Variants in PDZRN4 observed in about 807,000 individuals in gnomAD.
PDZRN4 encodes PDZ domain containing ring finger 4, also known as PDZ domain-containing RING finger protein 4.
PDZRN4 carries 70 observed loss-of-function variants against 99.0 expected under a neutral mutation model. That is an observed-to-expected ratio of 0.71 (90% CI 0.58 to 0.86). The LOEUF (loss-of-function observed/expected upper bound fraction) is 0.86, where lower values mean the gene tolerates loss of function less well. PDZRN4 is among the 40% of genes least tolerant of loss of function. The probability of loss-of-function intolerance (pLI) is 0.00; values close to 1 mark genes in which losing one functional copy is unlikely to be tolerated. For synonymous variants in PDZRN4, 551 were observed against 501.6 expected (o/e 1.10, Z -1.32); for missense variants, 1,474 against 1,331.2 (o/e 1.11, Z -1.67).
chr12:41,207,633 G>A (rs948322978), intron 3 of PDZRN4, among the ~76,000 whole-genome samples: 1 of 151,694 alleles, frequency 6.6e-6, no homozygotes, highest in African/African-American at 2.4e-5. Flanking sequence ...AGAATGGTAA[G>A]GATGATGATG....
At chr12:41,475,561 A>G (rs1953034476) in intron 3 of PDZRN4, among the ~76,000 whole-genome samples, 1 of 152,224 alleles carries the variant, frequency 6.6e-6, no homozygotes, top group Non-Finnish European at 1.5e-5. Context: ...GAAAATTCTC[A>G]TAAGAACATT....
intron 3 of PDZRN4, among the ~76,000 whole-genome samples, chr12:41,322,063 T>C (rs1390717546): frequency 1.3e-5 from 2 of 152,126 alleles, no homozygotes; most frequent in Non-Finnish European, 1.5e-5. Context: ...GAGACAGTCT[T>C]GCTCTTCACC....
chr12:41,366,593 C>T (rs536951111), intron 3 of PDZRN4, among the ~76,000 whole-genome samples: 2 of 151,980 alleles, frequency 1.3e-5, no homozygotes, highest in Non-Finnish European at 2.9e-5. Context: ...ATGGAATATA[C>T]CATAATGTTT....
At chr12:41,532,222 A>G (rs1293395107) in intron 5 of PDZRN4, among the ~76,000 whole-genome samples, 2 of 152,142 alleles carry the variant, frequency 1.3e-5, no homozygotes, top group Non-Finnish European at 2.9e-5. Flanking sequence ...TCATAAATCA[A>G]GTTTCTGTAT....
chr12:41,264,919 T>G, intron 3 of PDZRN4, among the ~76,000 whole-genome samples: 1 of 151,958 alleles, frequency 6.6e-6, no homozygotes. Flanking sequence ...ATGGAAACAC[T>G]AGACACTGGG....
intron 3 of PDZRN4, among the ~76,000 whole-genome samples, chr12:41,217,035 C>T (rs1950925737): frequency 6.6e-6 from 1 of 152,034 alleles, no homozygotes; most frequent in African/African-American, 2.4e-5. Context: ...AGCTTCTTCC[C>T]TTTGTTGTGA....
At chr12:41,297,825 A>T (rs1951506000) in intron 3 of PDZRN4, among the ~76,000 whole-genome samples, 1 of 152,128 alleles carries the variant, frequency 6.6e-6, no homozygotes, top group Non-Finnish European at 1.5e-5. Context: ...AAATTAACCA[A>T]ACTGACTATT....
At chr12:41,454,276 G>A (rs1952800284) in intron 3 of PDZRN4, among the ~76,000 whole-genome samples, 2 of 152,172 alleles carry the variant, frequency 1.3e-5, no homozygotes, top group Non-Finnish European at 2.9e-5. Context: ...TATTGAATGT[G>A]TTAGGGGAAA....
chr12:41,393,864 A>G (rs1001437487), intron 3 of PDZRN4, among the ~76,000 whole-genome samples: 2 of 152,232 alleles, frequency 1.3e-5, no homozygotes, highest in African/African-American at 4.8e-5. Flanking sequence ...CTCAACTGGA[A>G]CTGATAACCA....
At chr12:41,536,348 C>G (rs1382376019) in intron 5 of PDZRN4, among the ~76,000 whole-genome samples, 1 of 152,094 alleles carries the variant, frequency 6.6e-6, no homozygotes, top group Non-Finnish European at 1.5e-5. Context: ...AGACTACATA[C>G]TGTATGATTC....
intron 3 of PDZRN4, among the ~76,000 whole-genome samples, chr12:41,397,002 T>TA (rs11311422): frequency 1.3e-4 from 19 of 151,230 alleles, no homozygotes; most frequent in Middle Eastern, 3.4e-3. Flanking sequence ...TAGTGTAATG[T>TA]AAAAAAAAAA....
At chr12:41,225,192 T>A (rs1039825212) in intron 3 of PDZRN4, among the ~76,000 whole-genome samples, 2 of 152,146 alleles carry the variant, frequency 1.3e-5, no homozygotes, top group Non-Finnish European at 2.9e-5. Flanking sequence ...GTTATCCTGT[T>A]GATGATTTTT....
chr12:41,549,821 AGCAAAATG>A, intron 5 of PDZRN4, among the ~76,000 whole-genome samples: 1 of 152,174 alleles, frequency 6.6e-6, no homozygotes, highest in Non-Finnish European at 1.5e-5. Flanking sequence ...TTAGGGGACA[AGCAAAATG>A]GCAAATCTAT....
intron 3 of PDZRN4, among the ~76,000 whole-genome samples, chr12:41,341,425 C>T (rs935236656): frequency 6.6e-6 from 1 of 151,822 alleles, no homozygotes; most frequent in African/African-American, 2.4e-5. Context: ...TCCCTATTTG[C>T]AGGAGATGTG....
intron 3 of PDZRN4, among the ~76,000 whole-genome samples, chr12:41,401,158 C>A (rs1952286193): frequency 6.6e-6 from 1 of 152,030 alleles, no homozygotes; most frequent in Non-Finnish European, 1.5e-5. Context: ...ATAATTTATT[C>A]CCTTAATCTG....
chr12:41,450,932 C>A (rs1014173222), intron 3 of PDZRN4, among the ~76,000 whole-genome samples: 1 of 151,780 alleles, frequency 6.6e-6, no homozygotes, highest in African/African-American at 2.4e-5. Flanking sequence ...TGTCTCAATA[C>A]AAACAAACAA....
intron 3 of PDZRN4, among the ~76,000 whole-genome samples, chr12:41,448,286 T>A (rs1475469406): frequency 6.6e-6 from 1 of 152,180 alleles, no homozygotes; most frequent in Non-Finnish European, 1.5e-5. Context: ...TTTTCCCATC[T>A]CTTTTTCTTT....
chr12:41,223,198 G>A (rs543426191), intron 3 of PDZRN4, among the ~76,000 whole-genome samples: 23 of 152,212 alleles, frequency 1.5e-4, no homozygotes, highest in South Asian at 1.5e-3. Context: ...CTCATAGTAA[G>A]CATGTGATAG....
At chr12:41,452,088 T>C (rs1264005447) in intron 3 of PDZRN4, among the ~76,000 whole-genome samples, 1 of 148,508 alleles carries the variant, frequency 6.7e-6, no homozygotes, top group Non-Finnish European at 1.5e-5. Flanking sequence ...CTGTAATAAG[T>C]TATTGCTTCT....
Sources: allele counts gnomAD v4.1 joint callset (sites outside exome capture counted in the v4.1 genomes callset), GRCh38; gene constraint gnomAD v4.1.1; transcripts MANE v1.5; gene names NCBI Gene and HGNC (gene_info 2026-07-23, HGNC 2026-07-21).